Variants in WARS2 observed in about 807,000 individuals in gnomAD.
WARS2 encodes the protein tryptophanyl tRNA synthetase 2, mitochondrial.
Under a neutral mutation model 36.5 loss-of-function variants are expected in WARS2, and 28 were observed. The observed-to-expected ratio is 0.77, with a 90% confidence interval of 0.57 to 1.05. The LOEUF (loss-of-function observed/expected upper bound fraction) is 1.05, where lower values mean the gene tolerates loss of function less well. Ranked by LOEUF, WARS2 falls within the 50% of genes least tolerant of loss-of-function variation. WARS2 has a pLI of 0.00. For missense variants in WARS2, 435 were observed against 456.8 expected, an observed-to-expected ratio of 0.95 and a Z score of 0.44; for synonymous variants, 174 against 178.4, an observed-to-expected ratio of 0.98 and a Z score of 0.20.
At chr1:119,049,575 CCTCT>C (rs770454942) in intron 2 of WARS2, among the ~76,000 whole-genome samples, 37 of 152,256 alleles carry the variant, frequency 2.4e-4, no homozygotes, top group South Asian at 6.2e-4. Context: ...ACCTATTCAG[CCTCT>C]CTATCTGGAT....
intron 1 of WARS2, among the ~76,000 whole-genome samples, chr1:119,079,168 C>T (rs898595845): frequency 2.6e-5 from 4 of 152,072 alleles, no homozygotes; most frequent in African/African-American, 7.2e-5. Flanking sequence ...GAAATTCCAT[C>T]GCCATCATAA....
At chr1:119,107,454 G>T (rs940703549) in intron 1 of WARS2, among the ~76,000 whole-genome samples, 1 of 152,044 alleles carries the variant, frequency 6.6e-6, no homozygotes, top group African/African-American at 2.4e-5. Context: ...TTTAAGTGAA[G>T]GGTGTAGTGT....
intron 4 of WARS2, among the ~76,000 whole-genome samples, chr1:119,036,207 C>T (rs1038707178): frequency 2.1e-4 from 27 of 127,150 alleles, no homozygotes; most frequent in African/African-American, 6.6e-4. Flanking sequence ...AACTCTGCCT[C>T]GAAAAATAAA....
At chr1:119,036,445 T>C (rs1173906213) in intron 4 of WARS2, among the ~76,000 whole-genome samples, 1 of 152,152 alleles carries the variant, frequency 6.6e-6, no homozygotes, top group Non-Finnish European at 1.5e-5. Context: ...TTCTCTTCTT[T>C]GAGTGGACTT....
intron 2 of WARS2, among the ~76,000 whole-genome samples, chr1:119,059,867 T>C (rs1156457326): frequency 6.6e-6 from 1 of 152,170 alleles, no homozygotes; most frequent in Non-Finnish European, 1.5e-5. Context: ...TTCTTACTTA[T>C]AGGTGGGGAC....
At position 119,042,361 on chromosome 1, in the gene WARS2, G is replaced by A; in HGVS notation, c.430-12C>T. On this transcript the variant is annotated splice_polypyrimidine_tract_variant and intron_variant, in intron 3 of 5. Coordinates refer to ENST00000235521, the MANE Select transcript of WARS2 (RefSeq NM_015836.4). ...TTGGTAGTCTTTGCCTGTGAGAGGT[G>A]AAAAGAGAGGAGGGGAAGAAATCTG... 6.2e-7 allele frequency: 1 copy of A among 1,612,558 alleles called. No homozygotes were observed. Among genetic ancestry groups the A allele is most frequent in the Non-Finnish European group, 8.5e-7 (1 of 1,178,798 alleles).
chr1:119,036,910 G>A (rs1647933437), intron 4 of WARS2, among the ~76,000 whole-genome samples: 1 of 152,084 alleles, frequency 6.6e-6, no homozygotes, highest in Non-Finnish European at 1.5e-5. Context: ...TGCTCCTGCT[G>A]CTCCTTTCAC....
rs191971349 is a variant in WARS2 at position 119,086,002 on chromosome 1, C to T, written c.91-9395G>A. 38 of 1,586,434 alleles carry T rather than the reference C, an allele frequency of 2.4e-5. No individual in the cohort carries two copies. The African/African-American group carries it at 4.4e-4, about 19-fold the overall frequency. ...TTCAGGTATCAGTGCCCAGGCAAGG[C>T]AGTGTGGCACATACCCTGGCTAATT... On this transcript the variant is annotated intron_variant, in intron 1 of 5. Coordinates refer to ENST00000235521, the MANE Select transcript of WARS2 (RefSeq NM_015836.4).
Position 119,119,648 on chromosome 1 carries a change from C to T in WARS2, c.90+20907G>A, listed in dbSNP as rs117983063. Among the ~76,000 whole-genome samples, 388 of 152,114 alleles carry T rather than the reference C, an allele frequency of 2.6e-3. 9 individuals are homozygous for T. The East Asian group carries it at 0.064, about 25-fold the overall frequency. ...ACATGGAACATCCTCCAAGATAGAC[C>T]ATATGATAGACCACAAAACACATCT... On this transcript the variant is annotated intron_variant, in intron 1 of 5. Transcript: ENST00000235521.
intron 1 of WARS2, among the ~76,000 whole-genome samples, chr1:119,083,273 ACT>A (rs147874452): frequency 0.021 from 3,229 of 152,158 alleles, 96 homozygotes; most frequent in African/African-American, 0.07. Flanking sequence ...GAAAGTATAC[ACT>A]GTTTTGTCCT....
chr1:119,131,995 T>C (rs1656151514), intron 1 of WARS2, among the ~76,000 whole-genome samples: 1 of 152,060 alleles, frequency 6.6e-6, no homozygotes, highest in Admixed American at 6.5e-5. Context: ...AATTATATAT[T>C]ATTGAAGAAG....
intron 1 of WARS2, among the ~76,000 whole-genome samples, chr1:119,078,585 T>G (rs1470329616): frequency 6.6e-6 from 1 of 152,148 alleles, no homozygotes; most frequent in Non-Finnish European, 1.5e-5. Context: ...ATTAAAGAAG[T>G]TGGGAACTCT....
intron 1 of WARS2, among the ~76,000 whole-genome samples, chr1:119,118,113 G>A (rs587768932): frequency 6.6e-6 from 1 of 152,090 alleles, no homozygotes; most frequent in African/African-American, 2.4e-5. Flanking sequence ...TAATTCAGAA[G>A]GTTGATTATT....
intron 2 of WARS2, among the ~76,000 whole-genome samples, chr1:119,065,716 A>C (rs556938374): frequency 4.3e-4 from 66 of 152,306 alleles, no homozygotes; most frequent in African/African-American, 1.5e-3. Context: ...CTAAATGATT[A>C]ATAGAGTAGT....
intron 1 of WARS2, among the ~76,000 whole-genome samples, chr1:119,103,163 G>A (rs1482136245): frequency 6.6e-6 from 1 of 152,182 alleles, no homozygotes; most frequent in Non-Finnish European, 1.5e-5. Context: ...ACCATTACTG[G>A]TCCATGTTTG....
intron 1 of WARS2, among the ~76,000 whole-genome samples, chr1:119,095,518 C>T (rs1238299185): frequency 6.6e-6 from 1 of 152,086 alleles, no homozygotes; most frequent in African/African-American, 2.4e-5. Flanking sequence ...ACACTGCCTG[C>T]CACCCCTGGG....
rs587595206 is a variant in WARS2 at position 119,120,305 on chromosome 1, G to A, written c.90+20250C>T. ...TGTGCATAAACTAGAAAACCTAGAG[G>A]AGATGGATAAATTCCTGGAAATATA... On this transcript the variant is annotated intron_variant, in intron 1 of 5. Transcript: ENST00000235521. Among the ~76,000 whole-genome samples, 5 of 152,010 alleles carry A rather than the reference G, an allele frequency of 3.3e-5. No homozygotes were observed. In the South Asian group the frequency reaches 1.0e-3, roughly 32 times the overall value.
At chr1:119,123,053 AGAAGATC>A (rs1655430488) in intron 1 of WARS2, among the ~76,000 whole-genome samples, 1 of 152,218 alleles carries the variant, frequency 6.6e-6, no homozygotes, top group South Asian at 2.1e-4. Context: ...TTTTCAAGAT[AGAAGATC>A]CACATTTTAA....
intron 1 of WARS2, among the ~76,000 whole-genome samples, chr1:119,113,785 T>C (rs1186195606): frequency 2.0e-5 from 3 of 152,156 alleles, no homozygotes; most frequent in African/African-American, 4.8e-5. Flanking sequence ...TCTTCAACTA[T>C]AATAAGACAA....
Sources: gnomAD v4.1 joint callset for allele counts (sites outside exome capture counted in the v4.1 genomes callset) on GRCh38, gnomAD v4.1.1 for gene constraint, MANE v1.5 for transcripts, NCBI Gene and HGNC (gene_info 2026-07-23, HGNC 2026-07-21) for gene names.